Variants in UBE2QL1 observed in about 807,000 individuals in gnomAD.
UBE2QL1 encodes ubiquitin-conjugating enzyme E2Q-like protein 1.
UBE2QL1 carries 5 observed loss-of-function variants against 12.6 expected under a neutral mutation model. The observed-to-expected ratio is 0.40, with a 90% CI of 0.21 to 0.83. The LOEUF is 0.83. UBE2QL1 is among the 40% of genes least tolerant of loss of function. The pLI is 0.37. For synonymous variants in UBE2QL1, 96 were observed against 94.5 expected (o/e 1.02, Z -0.10); for missense variants, 99 against 222.6 (o/e 0.44, Z 3.53).
At chr5:6,484,976 A>G (rs560299283) in intron 1 of UBE2QL1, among the ~76,000 whole-genome samples, 1 of 152,072 alleles carries the variant, frequency 6.6e-6, no homozygotes, top group South Asian at 2.1e-4. Flanking sequence ...CACAGCAGGG[A>G]GGCTCACATC....
intron 1 of UBE2QL1, among the ~76,000 whole-genome samples, chr5:6,465,130 G>T (rs1031255910): frequency 6.6e-6 from 1 of 151,988 alleles, no homozygotes; most frequent in Non-Finnish European, 1.5e-5. Flanking sequence ...GGGACCACAG[G>T]TGTGCGCCAC....
Position 6,449,199 on chromosome 5 carries a change from C to T in UBE2QL1, c.306C>T (p.Thr102=). The change falls in exon 1 of 2, where the codon ACC becomes ACT. Residue 102 remains threonine (T), a synonymous_variant. Transcript: ENST00000399816. ...LTPRGWSSAY[T]VEAVMRQFAA... ...CGCGCGGCTGGTCCAGCGCCTACAC[C>T]GTGGAGGCCGTCATGCGCCAGTTCG... The T allele has an allele frequency of 1.3e-6, 2 of 1,486,862 alleles. No homozygotes were observed. Among genetic ancestry groups the T allele is most frequent in the Non-Finnish European group, 1.8e-6 (2 of 1,113,182 alleles). The allele number at this position is 1,486,862 out of a possible 1,614,324, so 92.1% of individuals were successfully genotyped here.
intron 1 of UBE2QL1, among the ~76,000 whole-genome samples, chr5:6,488,382 G>A (rs1230905401): frequency 6.6e-6 from 1 of 151,448 alleles, no homozygotes; most frequent in Non-Finnish European, 1.5e-5. Flanking sequence ...TTTAGTTCAG[G>A]ATTTTCAAAT....
chr5:6,492,051 A>C lies in UBE2QL1; in HGVS notation c.*702A>C, dbSNP rs1008823180. ...AGATAAACCAGTGCCATTAGATGGA[A>C]GGCAGAGGATACTGCGACCACCCCT... On this transcript the variant is annotated 3_prime_UTR_variant, in exon 2 of 2. Transcript: ENST00000399816. The C allele has an allele frequency of 6.6e-6, 1 of 152,214 alleles. No homozygotes were observed. The highest frequency in any genetic ancestry group is 1.5e-5 in the Non-Finnish European group (1 of 68,044). 9.4% of individuals were successfully genotyped at this position (152,214 alleles called of 1,614,324 possible). A position where few individuals can be genotyped will look rare whatever the true frequency, so the allele number is the denominator to read the frequency against.
chr5:6,462,923 A>T (rs1326572795), intron 1 of UBE2QL1, among the ~76,000 whole-genome samples: 1 of 152,242 alleles, frequency 6.6e-6, no homozygotes, highest in Non-Finnish European at 1.5e-5. Context: ...GTGTGCAATT[A>T]ACTAAGGCGT....
At chr5:6,491,138 C>T (rs1259907930) in intron 1 of UBE2QL1, 80 bp from the exon 2 acceptor site, 2 of 1,425,318 alleles carry the variant, frequency 1.4e-6, no homozygotes, top group Non-Finnish European at 9.3e-7. Flanking sequence ...CCCCACGACT[C>T]TGTGTGTTTT....
chr5:6,467,917 TG>T (rs1436151472), intron 1 of UBE2QL1, among the ~76,000 whole-genome samples: 1 of 152,206 alleles, frequency 6.6e-6, no homozygotes, highest in Non-Finnish European at 1.5e-5. Flanking sequence ...TTCAGATCAC[TG>T]TATCGCCTTT....
At chr5:6,485,371 A>AT (rs562152125) in intron 1 of UBE2QL1, among the ~76,000 whole-genome samples, 23 of 152,268 alleles carry the variant, frequency 1.5e-4, no homozygotes, top group African/African-American at 5.5e-4. Context: ...TTACAAGTTG[A>AT]TTTTTTTCTA....
chr5:6,470,970 A>G (rs1265653347), intron 1 of UBE2QL1, among the ~76,000 whole-genome samples: 1 of 152,174 alleles, frequency 6.6e-6, no homozygotes, highest in Non-Finnish European at 1.5e-5. Context: ...TCCAACCCTG[A>G]TGATTTCACT....
chr5:6,449,772 C>T (rs948632808), intron 1 of UBE2QL1, among the ~76,000 whole-genome samples: 3 of 151,650 alleles, frequency 2.0e-5, no homozygotes, highest in Non-Finnish European at 4.4e-5. Flanking sequence ...CTTGTCTGCT[C>T]CTCAATCTCC....
At chr5:6,459,296 T>TA (rs1431411641) in intron 1 of UBE2QL1, among the ~76,000 whole-genome samples, 3 of 152,208 alleles carry the variant, frequency 2.0e-5, no homozygotes, top group Non-Finnish European at 4.4e-5. Context: ...ACTGATCTAA[T>TA]AAAAAGTGAG....
At position 6,456,544 on chromosome 5, in the gene UBE2QL1, T is replaced by G. The variant is rs570344613; in HGVS notation, c.354+7297T>G. Among the ~76,000 whole-genome samples the G allele has an allele frequency of 2.6e-5, 4 of 152,358 alleles. 1 individual carries two copies. The highest frequency in any genetic ancestry group is 9.6e-5 in the African/African-American group (4 of 41,586). Reference sequence around the variant, plus strand: ...TGTCTACACTTTCCTACTCAGTAAGTCGGCAAGCTAAGCTAAGGTTTAATT... The same window carrying G: ...TGTCTACACTTTCCTACTCAGTAAGGCGGCAAGCTAAGCTAAGGTTTAATT... On this transcript the variant is annotated intron_variant, in intron 1 of 1. Transcript: ENST00000399816.
intron 1 of UBE2QL1, among the ~76,000 whole-genome samples, chr5:6,471,395 C>T (rs537742326): frequency 1.6e-4 from 24 of 152,312 alleles, no homozygotes; most frequent in Non-Finnish European, 3.1e-4. Flanking sequence ...GCTGCTGTCT[C>T]ATCTGGAGGT....
At chr5:6,451,859 C>G (rs1352769164) in intron 1 of UBE2QL1, among the ~76,000 whole-genome samples, 1 of 152,094 alleles carries the variant, frequency 6.6e-6, no homozygotes, top group East Asian at 1.9e-4. Context: ...TGGTAGTTAC[C>G]AAATTATTTC....
At chr5:6,484,702 C>T (rs1176658958) in intron 1 of UBE2QL1, among the ~76,000 whole-genome samples, 3 of 152,054 alleles carry the variant, frequency 2.0e-5, no homozygotes. Context: ...CATGACCTCA[C>T]TGGCGGCTCA....
chr5:6,484,197 A>G (rs1203278873), intron 1 of UBE2QL1, among the ~76,000 whole-genome samples: 1 of 152,186 alleles, frequency 6.6e-6, no homozygotes, highest in East Asian at 1.9e-4. Context: ...GTGAAACCCA[A>G]CAGGGAGCGC....
In UBE2QL1 at chr5:6,476,278, G is replaced by A. The variant is rs576184037; in HGVS notation, c.355-14940G>A. 5.8e-4 allele frequency among the ~76,000 whole-genome samples: 88 copies of A among 152,342 alleles called. No homozygotes were observed. The highest frequency in any genetic ancestry group is 1.9e-3 in the African/African-American group (78 of 41,586). ...CAGCAGCACCTCAGGAGCAGCCAAG[G>A]CATAAAGCAGTCAACGCGGTGCCCT... On this transcript the variant is annotated intron_variant, in intron 1 of 1. Coordinates refer to ENST00000399816, the MANE Select transcript of UBE2QL1 (RefSeq NM_001145161.3). The surrounding 1 kb of genome is among the most constrained non-coding windows in gnomAD (Gnocchi z 4.9).
chr5:6,483,506 G>A (rs1383158699), intron 1 of UBE2QL1, among the ~76,000 whole-genome samples: 1 of 152,052 alleles, frequency 6.6e-6, no homozygotes, highest in Non-Finnish European at 1.5e-5. Flanking sequence ...TGGAGTGAAG[G>A]ATCGTGTTCC....
At chr5:6,463,785 G>T (rs562713039) in intron 1 of UBE2QL1, among the ~76,000 whole-genome samples, 1 of 149,856 alleles carries the variant, frequency 6.7e-6, no homozygotes, top group Non-Finnish European at 1.5e-5. Flanking sequence ...CCGCCACCAT[G>T]CCTGGCTAAT....
Sources: allele counts gnomAD v4.1 joint callset (sites outside exome capture counted in the v4.1 genomes callset), GRCh38; gene constraint gnomAD v4.1.1; non-coding constraint Gnocchi (gnomAD v3.1); transcripts MANE v1.5; gene names NCBI Gene and HGNC (gene_info 2026-07-23, HGNC 2026-07-21).